Variants in FRMD5 observed in about 807,000 individuals in gnomAD.
The protein encoded by FRMD5 is FERM domain containing 5, also known as FERM domain-containing protein 5.
A neutral mutation model predicts 69.0 loss-of-function variants in FRMD5; 20 were observed. That is an observed-to-expected ratio of 0.29 (90% CI 0.20 to 0.42). The LOEUF is 0.42. Among genes scored for constraint, FRMD5 ranks in the 10% least tolerant of loss-of-function variants. The pLI is 1.00. For synonymous variants in FRMD5, 271 were observed against 260.1 expected, an observed-to-expected ratio of 1.04 and a Z score of -0.40; for missense variants, 595 against 708.6, an observed-to-expected ratio of 0.84 and a Z score of 1.82.
intron 1 of FRMD5, among the ~76,000 whole-genome samples, chr15:43,998,125 C>A (rs1001872525): frequency 2.0e-5 from 3 of 152,112 alleles, no homozygotes; most frequent in Non-Finnish European, 4.4e-5. Context: ...AGGGATATAA[C>A]GATCATAGCT....
intron 1 of FRMD5, among the ~76,000 whole-genome samples, chr15:44,144,345 G>A (rs2077322228): frequency 6.6e-6 from 1 of 152,166 alleles, no homozygotes; most frequent in Non-Finnish European, 1.5e-5. Flanking sequence ...GTATCAGCTT[G>A]TGGTCTGAAT....
At chr15:43,950,976 G>A in intron 1 of FRMD5, among the ~76,000 whole-genome samples, 1 of 152,188 alleles carries the variant, frequency 6.6e-6, no homozygotes, top group Non-Finnish European at 1.5e-5. Flanking sequence ...GAAATGCGGT[G>A]TGAGACCAGA....
Position 44,195,246 on chromosome 15 carries a change from C to G in FRMD5, c.-192G>C, listed in dbSNP as rs952019329. On this transcript the variant is annotated 5_prime_UTR_variant, in exon 1 of 14. Coordinates refer to ENST00000417257, the MANE Select transcript of FRMD5 (RefSeq NM_032892.5). The stretch of plus-strand genomic sequence containing the variant: ...TTCCCTCAGCCGCCACCGCCTCCCC[C>G]CAGCCCAGATCAAGCGCCGGGCTCT... The G allele has an allele frequency of 5.9e-5, 32 of 538,598 alleles. No individual in the cohort carries two copies. The highest frequency in any genetic ancestry group is 9.7e-4 in the Middle Eastern group (2 of 2,068). 33.4% of individuals were successfully genotyped at this position (538,598 alleles called of 1,614,324 possible).
At chr15:43,874,606 G>A (rs1036055172) in intron 13 of FRMD5, 144 bp from the exon 14 acceptor site, 3 of 649,394 alleles carry the variant, frequency 4.6e-6, no homozygotes, top group East Asian at 5.5e-5. Flanking sequence ...TTGATATATC[G>A]AGAAGACGAC....
chr15:44,113,353 A>C (rs143227355), intron 1 of FRMD5, among the ~76,000 whole-genome samples: 8 of 152,308 alleles, frequency 5.3e-5, no homozygotes, highest in Non-Finnish European at 1.2e-4. Flanking sequence ...ATCTCACTTT[A>C]ATTCCCAACC....
intron 1 of FRMD5, among the ~76,000 whole-genome samples, chr15:44,076,848 T>C (rs1383166076): frequency 6.6e-6 from 1 of 151,930 alleles, no homozygotes; most frequent in African/African-American, 2.4e-5. Flanking sequence ...CTTAAAATGA[T>C]ACCTCTTATA....
intron 1 of FRMD5, among the ~76,000 whole-genome samples, chr15:44,157,828 A>G (rs890018143): frequency 2.6e-5 from 4 of 152,160 alleles, no homozygotes; most frequent in African/African-American, 9.6e-5. Flanking sequence ...GTCAACTGCA[A>G]ATTTCTGATT....
At chr15:43,878,090 C>T (rs2088414993) in intron 13 of FRMD5, among the ~76,000 whole-genome samples, 1 of 152,124 alleles carries the variant, frequency 6.6e-6, no homozygotes, top group Non-Finnish European at 1.5e-5. Context: ...GCAGCCTCGA[C>T]CTCCCAGGCT....
chr15:44,161,475 C>A (rs1051959900), intron 1 of FRMD5, among the ~76,000 whole-genome samples: 8 of 152,162 alleles, frequency 5.3e-5, no homozygotes, highest in African/African-American at 1.9e-4. Context: ...GTTTTACCTG[C>A]CTTCTTCACC....
intron 1 of FRMD5, among the ~76,000 whole-genome samples, chr15:44,182,050 G>A (rs552637555): frequency 2.1e-4 from 31 of 145,422 alleles, no homozygotes; most frequent in African/African-American, 6.7e-4. Flanking sequence ...TCACTCTGTC[G>A]CCCAGGCTGA....
intron 1 of FRMD5, among the ~76,000 whole-genome samples, chr15:44,100,365 G>C (rs879905194): frequency 2.6e-5 from 4 of 151,620 alleles, no homozygotes; most frequent in Non-Finnish European, 4.4e-5. Context: ...CCAACTAATA[G>C]CTTCTTAATC....
chr15:44,097,299 C>G (rs2076567811), intron 1 of FRMD5, among the ~76,000 whole-genome samples: 1 of 152,224 alleles, frequency 6.6e-6, no homozygotes, highest in East Asian at 1.9e-4. Flanking sequence ...GTAGGAACAG[C>G]AAGCTTTGTA....
intron 1 of FRMD5, among the ~76,000 whole-genome samples, chr15:44,090,983 AAG>A (rs770996663): frequency 2.0e-5 from 3 of 152,206 alleles, no homozygotes; most frequent in Non-Finnish European, 4.4e-5. Context: ...ACCCTGCACA[AAG>A]AGCACTGTAA....
intron 1 of FRMD5, among the ~76,000 whole-genome samples, chr15:44,028,812 A>C (rs567000337): frequency 6.6e-6 from 1 of 152,314 alleles, no homozygotes; most frequent in South Asian, 2.1e-4. Context: ...GGAGACACCT[A>C]TGGCCATCAT....
At chr15:43,909,430 A>G (rs117308166) in intron 5 of FRMD5, among the ~76,000 whole-genome samples, 1 of 150,286 alleles carries the variant, frequency 6.7e-6, no homozygotes, top group Non-Finnish European at 1.5e-5. Context: ...AACAAAAAAA[A>G]CTCTCTAACT....
intron 1 of FRMD5, among the ~76,000 whole-genome samples, chr15:43,998,356 G>A (rs779131420): frequency 6.6e-6 from 1 of 152,326 alleles, no homozygotes; most frequent in South Asian, 2.1e-4. Flanking sequence ...CCAGGACACA[G>A]CAAAAGTATT....
intron 1 of FRMD5, among the ~76,000 whole-genome samples, chr15:44,146,466 T>C (rs760818699): frequency 5.9e-5 from 9 of 152,178 alleles, no homozygotes; most frequent in Admixed American, 1.3e-4. Context: ...TACATGTGCA[T>C]GTATCTTTAT....
intron 11 of FRMD5, chr15:43,885,143 G>T: frequency 4.3e-6 from 1 of 232,360 alleles, no homozygotes; most frequent in Non-Finnish European, 8.5e-6. Context: ...TTCTTATTTT[G>T]CTATTGTAAG....
At chr15:44,110,434 T>C (rs943370532) in intron 1 of FRMD5, among the ~76,000 whole-genome samples, 2 of 152,252 alleles carry the variant, frequency 1.3e-5, no homozygotes, top group African/African-American at 4.8e-5. Flanking sequence ...CTAGATTATA[T>C]AGTAAGAGTA....
Sources: gnomAD v4.1 joint callset for allele counts (sites outside exome capture counted in the v4.1 genomes callset) on GRCh38, gnomAD v4.1.1 for gene constraint, MANE v1.5 for transcripts, NCBI Gene and HGNC (gene_info 2026-07-23, HGNC 2026-07-21) for gene names.